DCP1B: variants seen among roughly 807,000 people sequenced by gnomAD.
The protein encoded by DCP1B is decapping mRNA 1B.
Under a neutral mutation model 60.5 loss-of-function variants are expected in DCP1B, and 47 were observed. The ratio of observed to expected loss-of-function variants is 0.78; its 90% CI spans 0.61 to 0.99. The LOEUF is 0.99. Ranked by LOEUF, DCP1B falls within the 50% of genes least tolerant of loss-of-function variation. The probability of loss-of-function intolerance (pLI) is 0.00; values close to 1 mark genes in which losing one functional copy is unlikely to be tolerated. For synonymous variants in DCP1B, 267 were observed against 280.3 expected (o/e 0.95, Z 0.47); for missense variants, 725 against 756.8 (o/e 0.96, Z 0.49).
At chr12:2,001,536 G>A (rs1035232528) in intron 1 of DCP1B, among the ~76,000 whole-genome samples, 4 of 152,082 alleles carry the variant, frequency 2.6e-5, no homozygotes, top group Admixed American at 6.5e-5. Flanking sequence ...CTAGCTCAAC[G>A]CAATCTCTAT....
chr12:1,980,661 T>A (rs1250269516), intron 3 of DCP1B, among the ~76,000 whole-genome samples: 1 of 95,124 alleles, frequency 1.1e-5, no homozygotes, highest in Non-Finnish European at 2.5e-5. Context: ...TTAAATCCAG[T>A]GTTTGGTAAT....
intron 5 of DCP1B, among the ~76,000 whole-genome samples, chr12:1,958,059 TCCCCAACGTC>T (rs2030956171): frequency 6.7e-6 from 1 of 148,666 alleles, no homozygotes; most frequent in African/African-American, 2.5e-5. Context: ...GGGGAAAAGC[TCCCCAACGTC>T]GCTCTGGGCA....
At chr12:1,981,521 T>G (rs113285810) in intron 3 of DCP1B, among the ~76,000 whole-genome samples, 4,145 of 152,282 alleles carry the variant, frequency 0.027, 95 homozygotes, top group Middle Eastern at 0.054. Context: ...TAAGCACAAC[T>G]AGTAATTGCC....
intron 6 of DCP1B, among the ~76,000 whole-genome samples, chr12:1,954,369 T>G (rs2030802461): frequency 6.6e-6 from 1 of 152,202 alleles, no homozygotes; most frequent in Non-Finnish European, 1.5e-5. Context: ...AGTCTTTATG[T>G]CTTTTGGCTC....
intron 4 of DCP1B, 78 bp from the exon 5 acceptor site, chr12:1,965,771 A>C: frequency 1.3e-5 from 19 of 1,466,142 alleles, no homozygotes; most frequent in Non-Finnish European, 1.6e-5. Flanking sequence ...CCCAATTCTC[A>C]CCTAGTTGTT....
chr12:1,967,354 A>T (rs2031329134), intron 4 of DCP1B, among the ~76,000 whole-genome samples: 1 of 152,256 alleles, frequency 6.6e-6, no homozygotes, highest in Non-Finnish European at 1.5e-5. Flanking sequence ...ACAGAAAATA[A>T]AGACTACCTT....
chr12:2,000,517 G>A lies in DCP1B; in HGVS notation c.151-2542C>T, dbSNP rs539144261. Among the ~76,000 whole-genome samples, 11 of 149,662 alleles carry A rather than the reference G, an allele frequency of 7.3e-5. No individual in the cohort carries two copies. In the Middle Eastern group the frequency reaches 0.021, roughly 289 times the overall value. ...CCACATTTTAGTTTTTAAATTCCAA[G>A]GTCAAAAATGTAAAAGGCATGCTTC... On this transcript the variant is annotated intron_variant, in intron 1 of 8. Coordinates refer to ENST00000280665, the MANE Select transcript of DCP1B (RefSeq NM_152640.5).
At chr12:2,002,908 C>CA (rs2042507232) in intron 1 of DCP1B, among the ~76,000 whole-genome samples, 1 of 150,282 alleles carries the variant, frequency 6.7e-6, no homozygotes, top group African/African-American at 2.5e-5. Context: ...AAAAAACAAA[C>CA]AAACAAAAAC....
intron 8 of DCP1B, 22 bp downstream of exon 8, chr12:1,949,064 G>A: frequency 6.2e-7 from 1 of 1,604,410 alleles, no homozygotes; most frequent in Non-Finnish European, 8.5e-7. Flanking sequence ...CAGGTGCGAA[G>A]GGAGATGACG....
At chr12:1,990,709 T>C (rs758178326) in intron 3 of DCP1B, among the ~76,000 whole-genome samples, 2 of 152,142 alleles carry the variant, frequency 1.3e-5, no homozygotes, top group Non-Finnish European at 2.9e-5. Context: ...CTTGAGGAAA[T>C]AGTCTTACAA....
intron 1 of DCP1B, among the ~76,000 whole-genome samples, chr12:1,998,906 T>G (rs1291408780): frequency 6.6e-6 from 1 of 152,200 alleles, no homozygotes; most frequent in African/African-American, 2.4e-5. Flanking sequence ...CATTCAAAAT[T>G]TAAGTACTCT....
At chr12:1,944,466 G>A (rs1210967370), downstream of DCP1B, among the ~76,000 whole-genome samples, 1 of 152,102 alleles carries the variant, frequency 6.6e-6, no homozygotes, top group Admixed American at 6.6e-5. Flanking sequence ...AAAAGAGCCC[G>A]TATAGCCAAG....
intron 5 of DCP1B, among the ~76,000 whole-genome samples, chr12:1,957,597 C>A (rs2030931444): frequency 6.6e-6 from 1 of 152,214 alleles, no homozygotes; most frequent in South Asian, 2.1e-4. Context: ...ATACTCCAAG[C>A]TTAACTATGC....
intron 3 of DCP1B, among the ~76,000 whole-genome samples, chr12:1,989,661 C>T (rs750068432): frequency 2.3e-4 from 35 of 151,108 alleles, no homozygotes; most frequent in South Asian, 4.2e-4. Context: ...TGCAATAAGC[C>T]GAGATTGTGC....
rs77248202 is a variant in DCP1B, at chr12:1,965,707, G to A, written c.387-14C>T. On this transcript the variant is annotated splice_polypyrimidine_tract_variant and intron_variant, in intron 4 of 8. Coordinates refer to ENST00000280665, the MANE Select transcript of DCP1B (RefSeq NM_152640.5). The stretch of plus-strand genomic sequence containing the variant: ...TACTGAGTTAGGCTAGAAAAACAGA[G>A]GGGAAAATCCACACAAGAAAAGCCA... The A allele has an allele frequency of 4.6e-3, 7,303 of 1,595,344 alleles. 107 individuals are homozygous for A. Among genetic ancestry groups the A allele is most frequent in the African/African-American group, 0.036 (2,636 of 73,778 alleles).
intron 3 of DCP1B, chr12:1,992,014 AAAACAATTCAAACTAT>A (rs991730322): frequency 2.0e-5 from 6 of 294,584 alleles, no homozygotes; most frequent in African/African-American, 1.1e-4. Context: ...ATAAGCACAC[AAAACAATTCAAACTAT>A]AAACAATTCA....
downstream of DCP1B, among the ~76,000 whole-genome samples, chr12:1,944,089 A>G (rs1489677264): frequency 1.3e-5 from 2 of 152,270 alleles, no homozygotes; most frequent in South Asian, 2.1e-4. Flanking sequence ...GCAAAGTCTC[A>G]GGATACAAAA....
chr12:1,952,374 T>A, intron 7 of DCP1B, 42 bp downstream of exon 7: 2 of 1,508,362 alleles, frequency 1.3e-6, no homozygotes, highest in Non-Finnish European at 1.8e-6. Context: ...GATCTTGCTA[T>A]GCTGCCCAGG....
chr12:1,951,083 C>T (rs574448897), intron 7 of DCP1B, among the ~76,000 whole-genome samples: 80 of 152,194 alleles, frequency 5.3e-4, no homozygotes, highest in African/African-American at 1.8e-3. Context: ...ACCAGCCAGG[C>T]CAACATCGTG....
Sources: gnomAD v4.1 joint callset for allele counts (sites outside exome capture counted in the v4.1 genomes callset) on GRCh38, gnomAD v4.1.1 for gene constraint, MANE v1.5 for transcripts, NCBI Gene and HGNC (gene_info 2026-07-23, HGNC 2026-07-21) for gene names.